Variants in CACNA1C observed in about 807,000 individuals in gnomAD.
CACNA1C encodes the protein calcium voltage-gated channel subunit alpha1 C.
A neutral mutation model predicts 229.0 loss-of-function variants in CACNA1C; 30 were observed. The ratio of observed to expected loss-of-function variants is 0.13; its 90% CI spans 0.10 to 0.18. CACNA1C has a LOEUF of 0.18. CACNA1C is among the 10% of genes least tolerant of loss of function. The pLI is 1.00. For missense variants in CACNA1C, 1,658 were observed against 2,845.0 expected (o/e 0.58, Z 9.49); for synonymous variants, 1,114 against 1,132.5 (o/e 0.98, Z 0.33).
intron 1 of CACNA1C, among the ~76,000 whole-genome samples, chr12:1,996,624 A>C (rs12826803): frequency 0.24 from 18,644 of 78,130 alleles, 2,540 homozygotes; most frequent in Admixed American, 0.3. Context: ...GCTAAAAAAA[A>C]AAAAAAAAAA....
chr12:2,219,941 T>C (rs759081826), intron 3 of CACNA1C, among the ~76,000 whole-genome samples: 11 of 152,178 alleles, frequency 7.2e-5, no homozygotes, highest in Non-Finnish European at 1.3e-4. Context: ...CACTCTATGA[T>C]GTTGGTTCAG....
chr12:2,523,669 T>C (rs888759304), intron 9 of CACNA1C, among the ~76,000 whole-genome samples: 1 of 152,244 alleles, frequency 6.6e-6, no homozygotes, highest in African/African-American at 2.4e-5. Context: ...GATCTGCCTG[T>C]GTCCACTTGG....
rs538600940 is a variant in CACNA1C at position 2,695,998 on chromosome 12, C to A, written c.*4799C>A. ...CAAGGGTGAGCACTGTATACACAGA[C>A]AAGGAGGGTGCAGTAGAGTGACTCC... On this transcript the variant is annotated 3_prime_UTR_variant, in exon 47 of 47. Coordinates refer to ENST00000399655, the MANE Select transcript of CACNA1C (RefSeq NM_000719.7). The A allele has an allele frequency of 1.7e-4, 26 of 152,304 alleles. 1 individual carries two copies. The highest frequency in any genetic ancestry group is 6.0e-4 in the African/African-American group (25 of 41,562). 9.4% of individuals were successfully genotyped at this position (152,304 alleles called of 1,614,324 possible).
At chr12:2,151,085 A>G (rs1232687678) in intron 3 of CACNA1C, among the ~76,000 whole-genome samples, 2 of 152,338 alleles carry the variant, frequency 1.3e-5, no homozygotes, top group Middle Eastern at 3.4e-3. Context: ...TACTGAACTC[A>G]TGAACTTTGT....
intron 3 of CACNA1C, among the ~76,000 whole-genome samples, chr12:2,272,033 G>A (rs1024799879): frequency 2.6e-5 from 4 of 152,184 alleles, no homozygotes; most frequent in African/African-American, 9.7e-5. Flanking sequence ...GAGAGATGGA[G>A]CATCCGCAAG....
chr12:2,144,202 T>C (rs1317112196), intron 3 of CACNA1C, among the ~76,000 whole-genome samples: 1 of 151,278 alleles, frequency 6.6e-6, no homozygotes, highest in Non-Finnish European at 1.5e-5. Context: ...AGAAAGCCAA[T>C]AAGGCAGTGG....
intron 3 of CACNA1C, among the ~76,000 whole-genome samples, chr12:2,321,224 G>T (rs924846119): frequency 6.6e-6 from 1 of 151,976 alleles, no homozygotes; most frequent in Non-Finnish European, 1.5e-5. Context: ...GGTCGTTGGG[G>T]GGGTGGGGGA....
In CACNA1C at chr12:2,653,713, C is replaced by T; in HGVS notation, c.4075-122C>T. The T allele has an allele frequency of 1.3e-6, 1 of 786,216 alleles. No individual in the cohort carries two copies. The highest frequency in any genetic ancestry group is 2.2e-6 in the Non-Finnish European group (1 of 462,946). The allele number at this position is 786,216 out of a possible 1,614,324, so 48.7% of individuals were successfully genotyped here. On this transcript the variant is annotated intron_variant, in intron 32 of 46. Coordinates refer to ENST00000399655, the MANE Select transcript of CACNA1C (RefSeq NM_000719.7). This position sits in a 1 kb window ranked among gnomAD's most constrained non-coding sequence, Gnocchi z 4.7. ...AGTCCTGTGGGACTCTTGGAAGTGT[C>T]CCCCGGCCCAAACCGGGCAATAGCT... is the stretch of plus-strand genomic sequence containing the variant.
intron 7 of CACNA1C, among the ~76,000 whole-genome samples, chr12:2,502,516 A>G (rs2099762874): frequency 2.0e-5 from 3 of 152,226 alleles, no homozygotes; most frequent in East Asian, 1.9e-4. Context: ...ATTGAATTTC[A>G]CGATGGCATG....
chr12:2,249,895 G>A (rs1008212398), intron 3 of CACNA1C, among the ~76,000 whole-genome samples: 1 of 151,384 alleles, frequency 6.6e-6, no homozygotes, highest in Non-Finnish European at 1.5e-5. Context: ...CTCAAGCTCC[G>A]CCTCCCGGGT....
chr12:2,010,836 G>A (rs1313754781), intron 1 of CACNA1C: 6 of 152,128 alleles, frequency 3.9e-5, no homozygotes, highest in African/African-American at 9.7e-5. Flanking sequence ...TATCAACAGG[G>A]AGAAAAAGAT....
chr12:2,026,246 C>A (rs572476397), intron 1 of CACNA1C, among the ~76,000 whole-genome samples: 1 of 152,288 alleles, frequency 6.6e-6, no homozygotes, highest in South Asian at 2.1e-4. Flanking sequence ...AGCTGAAAAG[C>A]TGAGTTGGGC....
chr12:2,204,578 T>C (rs1161144829), intron 3 of CACNA1C, among the ~76,000 whole-genome samples: 1 of 151,196 alleles, frequency 6.6e-6, no homozygotes, highest in Non-Finnish European at 1.5e-5. Context: ...ATTAAGAAAA[T>C]GTGGCACATA....
intron 3 of CACNA1C, among the ~76,000 whole-genome samples, chr12:2,326,665 T>C (rs2096309781): frequency 6.6e-6 from 1 of 152,216 alleles, no homozygotes; most frequent in South Asian, 2.1e-4. Flanking sequence ...ACTCTTGGCA[T>C]TGTTTTTGGC....
chr12:2,310,884 A>G (rs1013650115), intron 3 of CACNA1C, among the ~76,000 whole-genome samples: 4 of 152,168 alleles, frequency 2.6e-5, no homozygotes, highest in African/African-American at 9.7e-5. Context: ...CTTGGGTGGG[A>G]GGGAGTTGAG....
At chr12:2,344,315 T>C (rs184061543) in intron 3 of CACNA1C, among the ~76,000 whole-genome samples, 6 of 152,188 alleles carry the variant, frequency 3.9e-5, no homozygotes, top group African/African-American at 1.4e-4. Context: ...AGGGCATTCT[T>C]TTTGAACACT....
intron 3 of CACNA1C, among the ~76,000 whole-genome samples, chr12:2,286,134 G>A (rs527645262): frequency 5.3e-5 from 8 of 152,294 alleles, no homozygotes; most frequent in South Asian, 4.2e-4. Context: ...CTAAATACTC[G>A]TCATTTATAC....
At chr12:2,625,297 C>A (rs961719686) in intron 29 of CACNA1C, among the ~76,000 whole-genome samples, 5 of 152,184 alleles carry the variant, frequency 3.3e-5, no homozygotes, top group Non-Finnish European at 7.3e-5. Context: ...ATTATTCACA[C>A]GGTGTAAAAA....
chr12:2,673,848 C>A (rs982053945), intron 38 of CACNA1C, among the ~76,000 whole-genome samples: 1 of 152,172 alleles, frequency 6.6e-6, no homozygotes, highest in Non-Finnish European at 1.5e-5. Context: ...TGCCATATAA[C>A]CTAATCTCAG....
Sources: gnomAD v4.1 joint callset for allele counts (sites outside exome capture counted in the v4.1 genomes callset) on GRCh38, gnomAD v4.1.1 for gene constraint, Gnocchi (gnomAD v3.1) non-coding constraint, MANE v1.5 for transcripts, NCBI Gene and HGNC (gene_info 2026-07-23, HGNC 2026-07-21) for gene names.